Variants in NLGN4X observed in about 807,000 individuals in gnomAD.
NLGN4X encodes the protein neuroligin-4, X-linked.
A neutral mutation model predicts 40.3 loss-of-function variants in NLGN4X; 3 were observed. The ratio of observed to expected loss-of-function variants is 0.07; its 90% CI spans 0.03 to 0.19. NLGN4X has a LOEUF of 0.19. Among genes scored for constraint, NLGN4X ranks in the 10% least tolerant of loss-of-function variants. The pLI is 1.00. For synonymous variants in NLGN4X, 270 were observed against 306.8 expected, an observed-to-expected ratio of 0.88 and a Z score of 1.25; for missense variants, 382 against 708.3, an observed-to-expected ratio of 0.54 and a Z score of 5.23.
intron 2 of NLGN4X, among the ~76,000 whole-genome samples, chrX:6,090,556 A>G (rs7060929): frequency 0.21 from 22,849 of 111,069 alleles, 1,794 homozygotes; most frequent in Admixed American, 0.26. Context: ...TAACAACATA[A>G]TTTCAATTTT....
intron 2 of NLGN4X, among the ~76,000 whole-genome samples, chrX:6,034,730 T>C (rs1219789225): frequency 1.2e-5 from 1 of 85,266 alleles, no homozygotes; most frequent in Non-Finnish European, 2.3e-5. Context: ...TTTTTTTTTT[T>C]CAAAGTCTTG....
intron 3 of NLGN4X, among the ~76,000 whole-genome samples, chrX:5,973,638 C>T (rs974841441): frequency 1.4e-4 from 16 of 110,987 alleles, no homozygotes; most frequent in Admixed American, 2.9e-4. Flanking sequence ...CTGGCTACCA[C>T]GGCGAAACCC....
rs1002585967 is a variant in NLGN4X, at chrX:6,150,937, C to A, written c.472+58G>T. On this transcript the variant is annotated intron_variant, in intron 2 of 5. Transcript: ENST00000381095. The stretch of plus-strand genomic sequence containing the variant: ...ATGAGACATTATAAAACCCTCCTAG[C>A]AAATCTCTCTACACACTGCACAAGA... 14 of 985,599 alleles carry A rather than the reference C, an allele frequency of 1.4e-5. No homozygotes were observed. The South Asian group carries it at 2.1e-4, about 15-fold the overall frequency. The allele number at this position is 985,599 out of a possible 1,213,427, so 81.2% of individuals were successfully genotyped here.
intron 1 of NLGN4X, among the ~76,000 whole-genome samples, chrX:6,168,815 G>A (rs2040549031): frequency 9.0e-6 from 1 of 111,249 alleles, no homozygotes; most frequent in Non-Finnish European, 1.9e-5. Flanking sequence ...CACCCAGGCT[G>A]GAATACAGTG....
intron 1 of NLGN4X, among the ~76,000 whole-genome samples, chrX:6,167,069 CA>C (rs869227439): frequency 0.42 from 24,972 of 59,118 alleles, 3,585 homozygotes; most frequent in South Asian, 0.55. Context: ...GAAACTGTCT[CA>C]AAAAAAAAAA....
chrX:6,198,229 T>TCC (rs1373628517), intron 1 of NLGN4X, among the ~76,000 whole-genome samples: 1 of 111,643 alleles, frequency 9.0e-6, no homozygotes, highest in Non-Finnish European at 1.9e-5. Context: ...AATAAGCCTC[T>TCC]CCATGTAAGT....
Position 6,038,311 on chromosome X carries a change from A to G in NLGN4X, c.473-8879T>C, listed in dbSNP as rs1488514337. Among the ~76,000 whole-genome samples, 3 of 112,340 alleles carry G rather than the reference A, an allele frequency of 2.7e-5. No homozygotes were observed. The East Asian group carries it at 8.4e-4, about 32-fold the overall frequency. ...CATGGGTTGGAGGCTGAGGGCACAG[A>G]AAGGACATGAATAGCCCCAGAAAGA... is the stretch of plus-strand genomic sequence containing the variant. On this transcript the variant is annotated intron_variant, in intron 2 of 5. Transcript: ENST00000381095.
At chrX:5,918,154 G>GT (rs1231201368) in intron 3 of NLGN4X, among the ~76,000 whole-genome samples, 1,163 of 100,422 alleles carry the variant, frequency 0.012, 17 homozygotes, top group African/African-American at 0.033. Context: ...TACAGAAAAG[G>GT]TTTTTTTTTT....
intron 3 of NLGN4X, among the ~76,000 whole-genome samples, chrX:5,925,642 T>C (rs1388429717): frequency 9.3e-6 from 1 of 106,997 alleles, no homozygotes; most frequent in Non-Finnish European, 1.9e-5. Context: ...AACAGAATGT[T>C]TCCTAATCAC....
At chrX:6,032,657 C>T in intron 2 of NLGN4X, 1 of 994,073 alleles carries the variant, frequency 1.0e-6, no homozygotes, top group South Asian at 2.3e-5. Flanking sequence ...TAAAATCATG[C>T]ACTGGGGTTG....
intron 2 of NLGN4X, among the ~76,000 whole-genome samples, chrX:6,083,553 C>A (rs1004400404): frequency 8.9e-6 from 1 of 111,795 alleles, no homozygotes; most frequent in African/African-American, 3.3e-5. Flanking sequence ...AGGTAGGAGG[C>A]AGAAGAGTAA....
intron 2 of NLGN4X, among the ~76,000 whole-genome samples, chrX:6,039,191 T>A (rs933963819): frequency 4.5e-5 from 5 of 111,553 alleles, no homozygotes; most frequent in African/African-American, 1.3e-4. Flanking sequence ...TTTCCAAGAC[T>A]GGGACTCAAA....
At chrX:5,943,515 G>A (rs774571748) in intron 3 of NLGN4X, among the ~76,000 whole-genome samples, 9 of 112,075 alleles carry the variant, frequency 8.0e-5, no homozygotes, top group South Asian at 3.7e-4. Context: ...AATAAGAAAC[G>A]CATACAAGGA....
At chrX:6,185,860 C>A (rs1265855345) in intron 1 of NLGN4X, among the ~76,000 whole-genome samples, 1 of 111,539 alleles carries the variant, frequency 9.0e-6, no homozygotes. Context: ...AAAACCCACA[C>A]GAACCAGCTG....
At chrX:6,220,697 G>C (rs1270422289) in intron 1 of NLGN4X, among the ~76,000 whole-genome samples, 1 of 104,213 alleles carries the variant, frequency 9.6e-6, no homozygotes, top group Non-Finnish European at 2.0e-5. Context: ...TAAATAAGGA[G>C]TACATCCAGA....
chrX:6,190,685 C>G (rs1331475509), intron 1 of NLGN4X, among the ~76,000 whole-genome samples: 1 of 111,837 alleles, frequency 8.9e-6, no homozygotes, highest in African/African-American at 3.2e-5. Flanking sequence ...TGAGAAGGAT[C>G]TCATGGTCTG....
intron 2 of NLGN4X, among the ~76,000 whole-genome samples, chrX:6,068,866 T>A (rs1301896980): frequency 8.9e-6 from 1 of 112,277 alleles, no homozygotes; most frequent in African/African-American, 3.2e-5. Flanking sequence ...AATTACATAG[T>A]TCTCTATCAC....
chrX:6,087,177 G>A (rs1196109300), intron 2 of NLGN4X, among the ~76,000 whole-genome samples: 2 of 111,376 alleles, frequency 1.8e-5, no homozygotes. Flanking sequence ...CATTTTCTCT[G>A]CCAATCAAAG....
At chrX:5,925,663 T>C (rs1424458361) in intron 3 of NLGN4X, among the ~76,000 whole-genome samples, 1 of 106,181 alleles carries the variant, frequency 9.4e-6, no homozygotes, top group Non-Finnish European at 1.9e-5. Context: ...ATCTTGTTTT[T>C]CTTCCTTAGG....
Sources: allele counts gnomAD v4.1 joint callset (sites outside exome capture counted in the v4.1 genomes callset), GRCh38; gene constraint gnomAD v4.1.1; transcripts MANE v1.5; gene names NCBI Gene and HGNC (gene_info 2026-07-23, HGNC 2026-07-21).